The following BROX variants were observed in gnomAD, a reference collection of about 807,000 sequenced individuals.
BROX encodes the protein BRO1 domain and CAAX motif containing.
In BROX, 53 loss-of-function variants were observed where a neutral mutation model predicts 61.0. That is an observed-to-expected ratio of 0.87 (90% CI 0.70 to 1.09). The LOEUF is 1.09. Ranked by LOEUF, BROX falls within the 50% of genes least tolerant of loss-of-function variation. BROX has a pLI of 0.00. For synonymous variants in BROX, 152 were observed against 160.2 expected (o/e 0.95, Z 0.38); for missense variants, 489 against 472.0 (o/e 1.04, Z -0.33).
chr1:222,715,338 TGTGGGC>T (rs1413226207), intron 1 of BROX: 1 of 153,256 alleles, frequency 6.5e-6, no homozygotes, highest in African/African-American at 2.4e-5. Context: ...TTGAAGTTAT[TGTGGGC>T]AGATTTTCAA....
At chr1:222,725,345 C>T (rs190573827) in intron 6 of BROX, 105 bp from the exon 7 acceptor site, 4 of 655,152 alleles carry the variant, frequency 6.1e-6, no homozygotes, top group East Asian at 5.9e-5. Context: ...TCTGCTAAGC[C>T]TCCCAGTTGA....
intron 8 of BROX, 49 bp downstream of exon 8, chr1:222,727,306 T>G (rs1646664414): frequency 7.2e-7 from 1 of 1,383,476 alleles, no homozygotes; most frequent in African/African-American, 1.4e-5. Context: ...GATTTTCAGA[T>G]TTATTTGATC....
Position 222,719,253 on chromosome 1 carries a change from T to C in BROX, c.209-10T>C, listed in dbSNP as rs749358803. ...CTTCTAAAACTAAAATGTCTTGTAC[T>C]TTTCTATAGGTTTCATAAATTCTTT... On this transcript the variant is annotated splice_polypyrimidine_tract_variant and intron_variant, in intron 3 of 12. Transcript: ENST00000340934. 17 of 1,552,640 alleles carry C rather than the reference T, an allele frequency of 1.1e-5. No individual in the cohort carries two copies. The Admixed American group carries it at 2.9e-4, about 26-fold the overall frequency.
intron 2 of BROX, among the ~76,000 whole-genome samples, chr1:222,716,137 C>T (rs1330480257): frequency 6.6e-6 from 1 of 151,950 alleles, no homozygotes; most frequent in Non-Finnish European, 1.5e-5. Context: ...TCACTCTTGT[C>T]GCCCAGGCTG....
chr1:222,718,995 A>T lies in BROX; in HGVS notation c.172A>T (p.Lys58Ter), dbSNP rs1656855777. The T allele has an allele frequency of 1.2e-6, 2 of 1,613,748 alleles. No homozygotes were observed. Among genetic ancestry groups the T allele is most frequent in the Non-Finnish European group, 1.7e-6 (2 of 1,179,870 alleles). Reference protein sequence around the residue: ...TDLSCNPEMMKNAADSYFSLL... With the variant: ...TDLSCNPEMM ...TTTGAGCTGTAATCCAGAAATGATG[A>T]AGAATGCAGCAGATTCATATTTCTC... is the stretch of plus-strand genomic sequence containing the variant. The change falls in exon 3 of 13, where the codon AAG (lysine) becomes TAG (stop). Residue 58 changes from lysine to a stop codon, truncating the protein, a stop_gained. Coordinates refer to ENST00000340934, the MANE Select transcript of BROX (RefSeq NM_144695.4). LOFTEE classifies it high-confidence loss of function.
chr1:222,730,388 G>T (rs1384240036), intron 11 of BROX, among the ~76,000 whole-genome samples: 1 of 152,076 alleles, frequency 6.6e-6, no homozygotes, highest in East Asian at 1.9e-4. Flanking sequence ...TTAAGCCCAG[G>T]AGTTTGAGAC....
intron 1 of BROX, 75 bp downstream of exon 1, chr1:222,713,017 A>C: frequency 3.5e-6 from 4 of 1,156,530 alleles, no homozygotes; most frequent in East Asian, 6.4e-5. Context: ...CAATAGGATC[A>C]CCCCCTTTTA....
At chr1:222,729,476 A>C in intron 9 of BROX, 144 bp from the exon 10 acceptor site, 1 of 501,742 alleles carries the variant, frequency 2.0e-6, no homozygotes, top group Non-Finnish European at 3.5e-6. Context: ...TCTATGAACA[A>C]AGGTTGGGGA....
rs77584688 is a variant in BROX, at chr1:222,719,626, G to A, written c.305+267G>A. On this transcript the variant is annotated intron_variant, in intron 4 of 12. Coordinates refer to ENST00000340934, the MANE Select transcript of BROX (RefSeq NM_144695.4). ...GCCTTGACCTTTAATAACACACAAA[G>A]GATGATTTGAGGATTTAGAACCCAA... Among the ~76,000 whole-genome samples, 102 of 152,260 alleles carry A rather than the reference G, an allele frequency of 6.7e-4. 1 individual carries two copies. The East Asian group carries it at 0.015, about 22-fold the overall frequency.
At chr1:222,729,029 G>T (rs1469805337) in intron 9 of BROX, among the ~76,000 whole-genome samples, 1 of 152,038 alleles carries the variant, frequency 6.6e-6, no homozygotes, top group Non-Finnish European at 1.5e-5. Context: ...TTGTAGAAGT[G>T]GATTATAGCA....
chr1:222,725,533 A>C lies in BROX; in HGVS notation c.558A>C (p.Gln186His). 1 of 1,610,878 alleles carries C rather than the reference A, an allele frequency of 6.2e-7. No homozygotes were observed. Among genetic ancestry groups the C allele is most frequent in the Non-Finnish European group, 8.5e-7 (1 of 1,178,236 alleles). ...ESRLIEAYVI[Q>H]CQAEAQEVTI... ...GACTCATAGAAGCATACGTTATTCA[A>C]TGTCAGGCTGAAGCTCAAGAAGGTA... Residue 186 changes from glutamine to histidine, a missense_variant, in exon 7 of 13, where the codon CAA becomes CAC. Transcript: ENST00000340934.
intron 4 of BROX, among the ~76,000 whole-genome samples, chr1:222,719,941 C>A (rs1389679417): frequency 1.3e-5 from 2 of 152,190 alleles, no homozygotes; most frequent in Non-Finnish European, 2.9e-5. Context: ...TACTTACCTA[C>A]TGTTTTTCAA....
Position 222,731,501 on chromosome 1 carries a change from A to C in BROX, c.1134A>C (p.Arg378Ser), listed in dbSNP as rs761864744. 4.4e-6 allele frequency: 7 copies of C among 1,587,404 alleles called. No homozygotes were observed. Among genetic ancestry groups the C allele is most frequent in the Non-Finnish European group, 6.0e-6 (7 of 1,173,198 alleles). ...ETLAAFDLTK[R>S]PKDDSTKPKP... ...TGGCTGCATTTGATCTCACCAAAAG[A>C]CCCAAGGATGACAGTGTATGAGATT... Residue 378 changes from arginine (R) to serine (S), a missense_variant, in exon 12 of 13, where the codon AGA (arginine) becomes AGC (serine). Transcript: ENST00000340934.
rs533643203 is a variant in BROX, at chr1:222,727,281, C to A, written c.670+24C>A. On this transcript the variant is annotated intron_variant, in intron 8 of 12. Transcript: ENST00000340934. ...TGGTAAGCTTCTAATTCTGTCGTTACATTTTTAGTCTTTAGATTTTCAGAT... is the reference window on the plus strand; with the variant it reads ...TGGTAAGCTTCTAATTCTGTCGTTAAATTTTTAGTCTTTAGATTTTCAGAT... The A allele has an allele frequency of 4.0e-6, 6 of 1,509,214 alleles. No homozygotes were observed. In the African/African-American group the frequency reaches 6.9e-5, roughly 17 times the overall value. 93.5% of individuals were successfully genotyped at this position (1,509,214 alleles called of 1,614,324 possible).
At chr1:222,715,354 A>G (rs756053432) in intron 1 of BROX, 1 of 153,838 alleles carries the variant, frequency 6.5e-6, no homozygotes, top group Non-Finnish European at 1.4e-5. Context: ...CAGATTTTCA[A>G]ATGCTCTTCT....
chr1:222,717,947 A>G (rs574935846), intron 2 of BROX: 1 of 152,352 alleles, frequency 6.6e-6, no homozygotes, highest in Admixed American at 6.5e-5. Context: ...CACATATTTC[A>G]AGGGTCTTTG....
At chr1:222,719,121 C>A in intron 3 of BROX, 90 bp downstream of exon 3, 1 of 1,283,882 alleles carries the variant, frequency 7.8e-7, no homozygotes, top group Non-Finnish European at 1.1e-6. Flanking sequence ...GATTAGTTTA[C>A]TCTTCCAGAC....
At chr1:222,722,351 T>C in intron 4 of BROX, 68 bp from the exon 5 acceptor site, 1 of 1,299,984 alleles carries the variant, frequency 7.7e-7, no homozygotes, top group South Asian at 1.2e-5. Context: ...GAGTCGGATA[T>C]CCAGTAGGCT....
intron 7 of BROX, 78 bp downstream of exon 7, chr1:222,725,633 G>A (rs1657447865): frequency 1.7e-6 from 2 of 1,199,440 alleles, no homozygotes; most frequent in East Asian, 2.7e-5. Flanking sequence ...TCAGAAGTTG[G>A]GCACTGTGGC....
Sources: gnomAD v4.1 joint callset for allele counts (sites outside exome capture counted in the v4.1 genomes callset) on GRCh38, gnomAD v4.1.1 for gene constraint, MANE v1.5 for transcripts, NCBI Gene and HGNC (gene_info 2026-07-23, HGNC 2026-07-21) for gene names.